GAS7: variants seen among roughly 807,000 people sequenced by gnomAD.
GAS7 encodes the protein growth arrest specific 7, also known as growth arrest-specific protein 7.
A neutral mutation model predicts 71.1 loss-of-function variants in GAS7; 28 were observed. The observed-to-expected ratio is 0.39, with a 90% CI of 0.29 to 0.54. The LOEUF (loss-of-function observed/expected upper bound fraction) is 0.54. Among genes scored for constraint, GAS7 ranks in the 20% least tolerant of loss-of-function variants. GAS7 has a pLI of 0.62. For synonymous variants in GAS7, 258 were observed against 245.8 expected, an observed-to-expected ratio of 1.05 and a Z score of -0.46; for missense variants, 436 against 627.8, an observed-to-expected ratio of 0.69 and a Z score of 3.27.
chr17:9,944,565 T>G (rs2068721422), intron 6 of GAS7, among the ~76,000 whole-genome samples: 2 of 152,242 alleles, frequency 1.3e-5, no homozygotes, highest in South Asian at 4.1e-4. Context: ...GGGAACCCCA[T>G]TTACCATCAT....
rs1173692962 is a variant in GAS7, at chr17:10,049,766, G to A, written c.184-29869C>T. Among the ~76,000 whole-genome samples, 3 of 151,700 alleles carry A rather than the reference G, an allele frequency of 2.0e-5. No individual in the cohort carries two copies. In the Middle Eastern group the frequency reaches 0.01, roughly 516 times the overall value. The stretch of plus-strand genomic sequence containing the variant: ...CTCCCGAGTAGCTGGGACTACAGGT[G>A]CCTGCCACCACGCCCAGCTAATTTT... On this transcript the variant is annotated intron_variant, in intron 1 of 13. Coordinates refer to ENST00000432992, the MANE Select transcript of GAS7 (RefSeq NM_201433.2).
intron 9 of GAS7, among the ~76,000 whole-genome samples, chr17:9,930,242 G>A (rs1228599697): frequency 4.6e-5 from 7 of 152,208 alleles, no homozygotes; most frequent in Non-Finnish European, 1.0e-4. Context: ...AGATATCGGA[G>A]TGGATACCTA....
intron 6 of GAS7, among the ~76,000 whole-genome samples, chr17:9,944,788 C>A (rs538549353): frequency 6.6e-6 from 1 of 152,176 alleles, no homozygotes; most frequent in Non-Finnish European, 1.5e-5. Context: ...AATGCTACAT[C>A]TTGATGAAAA....
chr17:9,926,840 T>A lies in GAS7; in HGVS notation c.886-71A>T. 5 of 1,542,154 alleles carry A rather than the reference T, an allele frequency of 3.2e-6. 1 individual carries two copies. The South Asian group carries it at 5.6e-5, about 17-fold the overall frequency. ...TGTAAGCCAGTGCAGGGAGGAGGGA[T>A]GGGAGGGGCACCCCCACTTCCCCAG... On this transcript the variant is annotated intron_variant, in intron 9 of 13. Transcript: ENST00000432992. The surrounding 1 kb of genome is among the most constrained non-coding windows in gnomAD (Gnocchi z 5.0).
chr17:9,947,472 C>T (rs576523172), intron 5 of GAS7, among the ~76,000 whole-genome samples: 2 of 152,240 alleles, frequency 1.3e-5, no homozygotes, highest in African/African-American at 4.8e-5. Flanking sequence ...CGGCCGGGCG[C>T]GGTGGCTCAC....
At chr17:10,050,384 C>A (rs961580414) in intron 1 of GAS7, among the ~76,000 whole-genome samples, 3 of 152,200 alleles carry the variant, frequency 2.0e-5, no homozygotes, top group Admixed American at 2.0e-4. Context: ...TAGTAATCAT[C>A]TGATCACATC....
chr17:10,019,103 C>T (rs1204809712), intron 2 of GAS7, among the ~76,000 whole-genome samples: 2 of 152,114 alleles, frequency 1.3e-5, no homozygotes, highest in Non-Finnish European at 2.9e-5. Flanking sequence ...AAACCATCCA[C>T]AGCAAACTTC....
At chr17:9,986,059 T>C (rs1460913816) in intron 2 of GAS7, among the ~76,000 whole-genome samples, 1 of 152,166 alleles carries the variant, frequency 6.6e-6, no homozygotes, top group Non-Finnish European at 1.5e-5. Context: ...CTTGACACCT[T>C]ATCTCCTTGA....
At chr17:10,102,864 G>A (rs536512951) in intron 1 of GAS7, among the ~76,000 whole-genome samples, 45 of 151,546 alleles carry the variant, frequency 3.0e-4, no homozygotes, top group Non-Finnish European at 5.2e-4. Flanking sequence ...CTCAACTCTT[G>A]CTTACTCTGC....
intron 2 of GAS7, among the ~76,000 whole-genome samples, chr17:10,002,901 T>G (rs1017950098): frequency 6.6e-6 from 1 of 152,200 alleles, no homozygotes; most frequent in African/African-American, 2.4e-5. Flanking sequence ...AGCAGCATGA[T>G]TCATAATTCT....
In GAS7 at chr17:9,981,977, A is replaced by G. The variant is rs919509594; in HGVS notation, c.305-93T>C. ...CAGAAGGAGATGCTCAGAGCTGGAG[A>G]AAAAGAGAGACAGCCAATCGCCCTC... On this transcript the variant is annotated intron_variant, in intron 2 of 13. Transcript: ENST00000432992. This position sits in a 1 kb window ranked among gnomAD's most constrained non-coding sequence, Gnocchi z 4.4. The G allele has an allele frequency of 2.7e-6, 2 of 754,172 alleles. No individual in the cohort carries two copies. The highest frequency in any genetic ancestry group is 3.4e-5 in the African/African-American group (2 of 58,018). The allele number at this position is 754,172 out of a possible 1,614,324, so 46.7% of individuals were successfully genotyped here.
chr17:10,110,729 C>T (rs1201632376), intron 1 of GAS7, among the ~76,000 whole-genome samples: 1 of 152,184 alleles, frequency 6.6e-6, no homozygotes, highest in African/African-American at 2.4e-5. Context: ...GCCTCAGCCT[C>T]CCAAAGTGCT....
chr17:10,091,877 T>C (rs535837715), intron 1 of GAS7, among the ~76,000 whole-genome samples: 1 of 151,828 alleles, frequency 6.6e-6, no homozygotes, highest in African/African-American at 2.4e-5. Flanking sequence ...AGAGAGAGGG[T>C]TTTGCCATGT....
intron 1 of GAS7, among the ~76,000 whole-genome samples, chr17:10,194,231 G>A (rs925066772): frequency 2.0e-5 from 3 of 152,224 alleles, no homozygotes; most frequent in African/African-American, 7.2e-5. Flanking sequence ...CTAGTTCAAA[G>A]AAAGCTCTAT....
intron 1 of GAS7, among the ~76,000 whole-genome samples, chr17:10,138,288 G>A (rs2074055321): frequency 6.6e-6 from 1 of 152,102 alleles, no homozygotes; most frequent in Non-Finnish European, 1.5e-5. Context: ...AGATGTGAAG[G>A]CACTTAAATA....
intron 1 of GAS7, among the ~76,000 whole-genome samples, chr17:10,098,219 G>A (rs1053831911): frequency 1.6e-4 from 25 of 152,148 alleles, no homozygotes; most frequent in Admixed American, 1.4e-3. Context: ...AGCTGGAGCC[G>A]CGGGCTACAA....
chr17:9,930,925 T>G (rs540976825), intron 9 of GAS7, among the ~76,000 whole-genome samples: 4 of 152,256 alleles, frequency 2.6e-5, no homozygotes, highest in African/African-American at 7.2e-5. Flanking sequence ...GCATGACGGG[T>G]CTTCATGAGC....
At chr17:10,068,636 C>T (rs557913003) in intron 1 of GAS7, among the ~76,000 whole-genome samples, 6 of 151,694 alleles carry the variant, frequency 4.0e-5, no homozygotes, top group South Asian at 2.1e-4. Context: ...TGGTGGCACA[C>T]GCCTACAGTT....
chr17:10,113,836 C>A (rs551717026), intron 1 of GAS7, among the ~76,000 whole-genome samples: 1 of 152,260 alleles, frequency 6.6e-6, no homozygotes, highest in East Asian at 1.9e-4. Context: ...AGATATCAGA[C>A]CTGAGCATAT....
Sources: gnomAD v4.1 joint callset for allele counts (sites outside exome capture counted in the v4.1 genomes callset) on GRCh38, gnomAD v4.1.1 for gene constraint, Gnocchi (gnomAD v3.1) non-coding constraint, MANE v1.5 for transcripts, NCBI Gene and HGNC (gene_info 2026-07-23, HGNC 2026-07-21) for gene names.